The following ROR1 variants were observed in gnomAD, a reference collection of about 807,000 sequenced individuals.
ROR1 encodes the protein ROR family WNT receptor 1.
Under a neutral mutation model 78.8 loss-of-function variants are expected in ROR1, and 19 were observed. The observed-to-expected ratio is 0.24, with a 90% CI of 0.17 to 0.35. The LOEUF is 0.35. Among genes scored for constraint, ROR1 ranks in the 10% least tolerant of loss-of-function variants. The pLI is 1.00. For synonymous variants in ROR1, 386 were observed against 433.6 expected (o/e 0.89, Z 1.36); for missense variants, 917 against 1,177.8 (o/e 0.78, Z 3.24).
intron 4 of ROR1, among the ~76,000 whole-genome samples, chr1:64,057,302 A>G (rs1440261316): frequency 6.6e-6 from 1 of 152,202 alleles, no homozygotes; most frequent in Admixed American, 6.5e-5. Context: ...TGTTAAACCA[A>G]TTAAACATGT....
At chr1:64,003,388 T>A (rs1291739751) in intron 1 of ROR1, among the ~76,000 whole-genome samples, 1 of 152,204 alleles carries the variant, frequency 6.6e-6, no homozygotes, top group East Asian at 1.9e-4. Flanking sequence ...ACTGGGTAAT[T>A]GAGCAGGGGT....
chr1:64,066,675 A>G (rs1646958847), intron 4 of ROR1: 1 of 152,714 alleles, frequency 6.5e-6, no homozygotes, highest in Non-Finnish European at 1.5e-5. Context: ...AGAGTGGAGA[A>G]GGAACAAAGA....
At chr1:63,853,761 TC>T (rs1232934999) in intron 1 of ROR1, among the ~76,000 whole-genome samples, 1 of 152,218 alleles carries the variant, frequency 6.6e-6, no homozygotes, top group Non-Finnish European at 1.5e-5. Context: ...ATATGAGGTT[TC>T]CTTAGTGAAA....
intron 1 of ROR1, among the ~76,000 whole-genome samples, chr1:63,949,856 G>C (rs1645920390): frequency 6.6e-6 from 1 of 152,132 alleles, no homozygotes; most frequent in Admixed American, 6.5e-5. Context: ...CAAGGAAAAT[G>C]GTTTGTGTGG....
At chr1:63,853,198 G>A (rs11811833) in intron 1 of ROR1, among the ~76,000 whole-genome samples, 242 of 152,276 alleles carry the variant, frequency 1.6e-3, no homozygotes, top group African/African-American at 5.3e-3. Context: ...GGCAACAGCT[G>A]CTGCTAATGT....
At chr1:64,095,310 G>A (rs1282810292) in intron 4 of ROR1, 2 of 151,616 alleles carry the variant, frequency 1.3e-5, no homozygotes, top group East Asian at 1.9e-4. Flanking sequence ...ATTAACTTGA[G>A]AAGAGAAATC....
chr1:63,932,047 C>T (rs182716069), intron 1 of ROR1, among the ~76,000 whole-genome samples: 2 of 152,070 alleles, frequency 1.3e-5, no homozygotes, highest in Admixed American at 6.6e-5. Flanking sequence ...TAATGCCTAC[C>T]TTACATGCTT....
At chr1:64,166,448 G>A (rs1356975675) in intron 8 of ROR1, among the ~76,000 whole-genome samples, 3 of 152,204 alleles carry the variant, frequency 2.0e-5, no homozygotes, top group African/African-American at 7.2e-5. Flanking sequence ...GCTTTGGGCA[G>A]TATGGCCATT....
rs538519008 is a variant in ROR1 at position 64,086,646 on chromosome 1, T to C, written c.482+35930T>C. On this transcript the variant is annotated intron_variant, in intron 4 of 8. Transcript: ENST00000371079. ...GTTACCTTTGGCTCCCCCAGCTAGA[T>C]GATGAGCCTGGTGAAGGCAGGGCTG... 6.6e-5 allele frequency among the ~76,000 whole-genome samples: 10 copies of C among 152,330 alleles called. No individual in the cohort carries two copies. The East Asian group carries it at 1.4e-3, about 21-fold the overall frequency.
At chr1:63,867,599 C>T (rs1185836315) in intron 1 of ROR1, among the ~76,000 whole-genome samples, 2 of 152,196 alleles carry the variant, frequency 1.3e-5, no homozygotes, top group Admixed American at 6.5e-5. Flanking sequence ...TGTCAGTAGG[C>T]AGCAGGCCTG....
At chr1:64,154,778 T>G (rs1334179491) in intron 7 of ROR1, among the ~76,000 whole-genome samples, 3 of 152,234 alleles carry the variant, frequency 2.0e-5, no homozygotes, top group Non-Finnish European at 4.4e-5. Flanking sequence ...ATGTAACTAA[T>G]ATGTGCATTT....
At chr1:63,959,518 G>A (rs866858620) in intron 1 of ROR1, among the ~76,000 whole-genome samples, 9 of 152,108 alleles carry the variant, frequency 5.9e-5, no homozygotes, top group African/African-American at 2.2e-4. Context: ...CCATCGTCTG[G>A]GTTTCTTCCT....
intron 4 of ROR1, among the ~76,000 whole-genome samples, chr1:64,112,996 G>C (rs1648171608): frequency 6.6e-6 from 1 of 152,142 alleles, no homozygotes; most frequent in South Asian, 2.1e-4. Flanking sequence ...ATTGGTAATA[G>C]ATGAAAGAAT....
intron 1 of ROR1, among the ~76,000 whole-genome samples, chr1:63,922,123 G>T (rs1255495942): frequency 6.6e-6 from 1 of 152,174 alleles, no homozygotes; most frequent in Non-Finnish European, 1.5e-5. Context: ...GACTATCACA[G>T]CTTGTCCTTC....
intron 7 of ROR1, among the ~76,000 whole-genome samples, chr1:64,155,954 G>T (rs12089614): frequency 6.6e-6 from 1 of 151,944 alleles, no homozygotes; most frequent in Non-Finnish European, 1.5e-5. Context: ...TTGATTCTCA[G>T]GTGAACCAAA....
At chr1:63,969,696 G>T (rs1056791515) in intron 1 of ROR1, among the ~76,000 whole-genome samples, 17 of 152,108 alleles carry the variant, frequency 1.1e-4, no homozygotes, top group Non-Finnish European at 2.4e-4. Context: ...GAACCGTCCA[G>T]TTCTGTGGAT....
Position 63,907,065 on chromosome 1 carries a change from G to T in ROR1, c.92-102240G>T, listed in dbSNP as rs139059939. Among the ~76,000 whole-genome samples the T allele has an allele frequency of 7.1e-3, 1,076 of 152,276 alleles. 10 individuals carry two copies. Among genetic ancestry groups the T allele is most frequent in the Middle Eastern group, 0.021 (6 of 292 alleles). On this transcript the variant is annotated intron_variant, in intron 1 of 8. Coordinates refer to ENST00000371079, the MANE Select transcript of ROR1 (RefSeq NM_005012.4). ...GATTTGGGAGAAGAGAAGGTAAAATGGTTTAAAAGGCAAAATATTAAACTG... is the reference window on the plus strand; with the variant it reads ...GATTTGGGAGAAGAGAAGGTAAAATTGTTTAAAAGGCAAAATATTAAACTG...
chr1:64,013,022 G>A (rs985359779), intron 2 of ROR1, among the ~76,000 whole-genome samples: 1 of 152,226 alleles, frequency 6.6e-6, no homozygotes, highest in South Asian at 2.1e-4. Flanking sequence ...TGCGTTTCCT[G>A]TGTGACTTTT....
At chr1:64,066,427 C>T (rs995508557) in intron 4 of ROR1, among the ~76,000 whole-genome samples, 4 of 151,828 alleles carry the variant, frequency 2.6e-5, no homozygotes, top group Admixed American at 6.6e-5. Flanking sequence ...ACGCCATTCT[C>T]CTGCCTCAGC....
Sources: gnomAD v4.1 joint callset for allele counts (sites outside exome capture counted in the v4.1 genomes callset) on GRCh38, gnomAD v4.1.1 for gene constraint, MANE v1.5 for transcripts, NCBI Gene and HGNC (gene_info 2026-07-23, HGNC 2026-07-21) for gene names.